IRAG2: variants seen among roughly 807,000 people sequenced by gnomAD.
IRAG2 encodes inositol 1,4,5-triphosphate receptor associated 2, also known as lymphoid restricted membrane protein.
IRAG2 carries 45 observed loss-of-function variants against 69.9 expected under a neutral mutation model. The observed-to-expected ratio is 0.64, with a 90% confidence interval of 0.51 to 0.83. The LOEUF (loss-of-function observed/expected upper bound fraction) is 0.83, where lower values mean the gene tolerates loss of function less well. Ranked by LOEUF, IRAG2 falls within the 40% of genes least tolerant of loss-of-function variation. The pLI, the probability that IRAG2 is intolerant of heterozygous loss-of-function variation, is 0.00. For synonymous variants in IRAG2, 193 were observed against 202.4 expected (o/e 0.95, Z 0.40); for missense variants, 520 against 587.0 (o/e 0.89, Z 1.18).
At chr12:25,047,658 G>C (rs1003825597), upstream of IRAG2, among the ~76,000 whole-genome samples, 5 of 151,998 alleles carry the variant, frequency 3.3e-5, no homozygotes, top group Non-Finnish European at 7.4e-5. Flanking sequence ...TCCCCGCAAT[G>C]TGTCCATGTG....
At position 25,067,910 on chromosome 12, in the gene IRAG2, G is replaced by A. The variant is rs1171591969; in HGVS notation, c.-59+1398G>A. On this transcript the variant is annotated intron_variant, in intron 5 of 21. Transcript: ENST00000556887. Reference sequence around the variant, plus strand: ...GGCTGGAGTGCAGTGGCATGATCTCGGCTCACTGCAACCTCTGCCTCCCGG... The same window carrying A: ...GGCTGGAGTGCAGTGGCATGATCTCAGCTCACTGCAACCTCTGCCTCCCGG... 3.3e-5 allele frequency among the ~76,000 whole-genome samples: 5 copies of A among 151,864 alleles called. No individual in the cohort carries two copies. The East Asian group carries it at 7.7e-4, about 23-fold the overall frequency.
chr12:25,018,529 T>C (rs573452015), intron 6 of IRAG2, among the ~76,000 whole-genome samples: 1 of 152,214 alleles, frequency 6.6e-6, no homozygotes, highest in East Asian at 1.9e-4. Context: ...TAAAGCATTC[T>C]CATCCTCAAA....
At chr12:25,082,608 A>AG (rs1947297116) in intron 9 of IRAG2, among the ~76,000 whole-genome samples, 1 of 79,312 alleles carries the variant, frequency 1.3e-5, no homozygotes, top group African/African-American at 3.6e-5. Flanking sequence ...TCAAAAAAAA[A>AG]ACAAAAAACA....
intron 9 of IRAG2, among the ~76,000 whole-genome samples, chr12:25,029,039 C>G (rs192728909): frequency 6.6e-6 from 1 of 152,174 alleles, no homozygotes; most frequent in Non-Finnish European, 1.5e-5. Context: ...TGCACATGTA[C>G]CCATCTCAAA....
rs1028200826 is a variant in IRAG2, at chr12:25,020,890, G to A, written c.1315G>A (p.Ala439Thr). The change falls in exon 7 of 39, where the codon GCC becomes ACC. Residue 439 changes from alanine to threonine, a missense_variant. By Grantham distance (58) the Ala-to-Thr change is moderately conservative. Coordinates refer to the IRAG2 transcript ENST00000636465. Reference sequence around the variant, plus strand: ...AGAAGAGCAGAAGAGCATGATTGTAGCCCAGAGCAAACAATTAGTAAGTCA... The same window carrying A: ...AGAAGAGCAGAAGAGCATGATTGTAACCCAGAGCAAACAATTAGTAAGTCA... 1.8e-5 allele frequency: 22 copies of A among 1,230,440 alleles called. No homozygotes were observed. In the African/African-American group the frequency reaches 3.3e-4, roughly 18 times the overall value. The allele number at this position is 1,230,440 out of a possible 1,614,324, so 76.2% of individuals were successfully genotyped here.
intron 11 of IRAG2, among the ~76,000 whole-genome samples, chr12:25,088,956 AATCTT>A (rs1285200516): frequency 2.0e-5 from 3 of 152,228 alleles, no homozygotes; most frequent in South Asian, 4.1e-4. Context: ...TTATCTTATC[AATCTT>A]ATCTTAGATG....
rs183061853 is a variant in IRAG2, at chr12:25,085,701, G to C, written c.315+2208G>C. Among the ~76,000 whole-genome samples the C allele has an allele frequency of 1.7e-3, 237 of 140,962 alleles. 1 individual carries two copies. The highest frequency in any genetic ancestry group is 7.4e-3 in the African/African-American group (229 of 30,966). 92.5% of individuals were successfully genotyped at this position (140,962 alleles called of 152,430 possible). Reference sequence around the variant, plus strand: ...GCCTGAGGGTGGAGCCCTCACTGGGGACCCCGCCTTTCTCTATCCAGCACT... The same window carrying C: ...GCCTGAGGGTGGAGCCCTCACTGGGCACCCCGCCTTTCTCTATCCAGCACT... On this transcript the variant is annotated intron_variant, in intron 10 of 21. Transcript: ENST00000556887.
In IRAG2 at chr12:25,052,961, G is replaced by T. The variant is rs916314037; in HGVS notation, c.-447+5G>T. The stretch of plus-strand genomic sequence containing the variant: ...AGAAGACAAGGAAACTGAAGAGTGA[G>T]TAGCAAATATTCATTTATGACCCAG... On this transcript the variant is annotated splice_donor_5th_base_variant and intron_variant, in intron 1 of 21. Coordinates refer to ENST00000556887, the MANE Select transcript of IRAG2 (RefSeq NM_001366544.2). The T allele has an allele frequency of 6.5e-5, 26 of 398,432 alleles. No individual in the cohort carries two copies. Among genetic ancestry groups the T allele is most frequent in the Non-Finnish European group, 4.4e-6 (1 of 226,030 alleles). 24.7% of individuals were successfully genotyped at this position (398,432 alleles called of 1,614,324 possible). A position where few individuals can be genotyped will look rare whatever the true frequency, so the allele number is the denominator to read the frequency against.
At chr12:25,106,807 A>G (rs1592130240) in intron 20 of IRAG2, 136 bp from the exon 21 acceptor site, 2 of 367,180 alleles carry the variant, frequency 5.4e-6, no homozygotes, top group East Asian at 8.4e-5. Context: ...TTAGAGTTAG[A>G]TATTTATCGA....
At chr12:25,015,160 T>TG (rs1565526467) in intron 3 of IRAG2, 2 of 1,119,176 alleles carry the variant, frequency 1.8e-6, no homozygotes, top group Non-Finnish European at 2.2e-6. Context: ...GTTTTGTTTT[T>TG]TTTTTTTTTT....
intron 6 of IRAG2, among the ~76,000 whole-genome samples, chr12:25,020,477 C>T (rs555011855): frequency 5.3e-5 from 8 of 152,054 alleles, no homozygotes; most frequent in African/African-American, 1.7e-4. Flanking sequence ...ACTAACATTA[C>T]ATCTTCTTAG....
chr12:25,025,405 T>C (rs1441422232), intron 8 of IRAG2, among the ~76,000 whole-genome samples: 1 of 152,190 alleles, frequency 6.6e-6, no homozygotes, highest in African/African-American at 2.4e-5. Flanking sequence ...CCAGAGTGTC[T>C]GGAGCAAAGT....
At chr12:25,044,835 A>C (rs1944779484) in intron 16 of IRAG2, among the ~76,000 whole-genome samples, 1 of 152,180 alleles carries the variant, frequency 6.6e-6, no homozygotes, top group South Asian at 2.1e-4. Flanking sequence ...GTAGTATTTC[A>C]TGTTCAATAA....
chr12:25,060,742 C>A lies in IRAG2; in HGVS notation c.-446-850C>A, dbSNP rs182836465. On this transcript the variant is annotated intron_variant, in intron 1 of 21. Coordinates refer to ENST00000556887, the MANE Select transcript of IRAG2 (RefSeq NM_001366544.2). The stretch of plus-strand genomic sequence containing the variant: ...GTGGCATGATCTTGGCTCACTGCAA[C>A]CTTCACCTCCCAGGTTCAAGTGATT... Among the ~76,000 whole-genome samples, 7 of 148,254 alleles carry A rather than the reference C, an allele frequency of 4.7e-5. No homozygotes were observed. The East Asian group carries it at 8.0e-4, about 17-fold the overall frequency.
chr12:25,102,120 T>A, intron 16 of IRAG2, 78 bp from the exon 17 acceptor site: 1 of 1,136,240 alleles, frequency 8.8e-7, no homozygotes, highest in Non-Finnish European at 1.3e-6. Flanking sequence ...TTGCTTTACC[T>A]TTAAAGAATT....
Position 25,061,212 on chromosome 12 carries a change from G to A in IRAG2, c.-446-380G>A, listed in dbSNP as rs143914651. On this transcript the variant is annotated intron_variant, in intron 1 of 21. Coordinates refer to ENST00000556887, the MANE Select transcript of IRAG2 (RefSeq NM_001366544.2). ...TTAAAAGTTTTTGAAGCAATGAAATGAATTAAAGGAGACAAGGTTAAATAT... is the reference window on the plus strand; with the variant it reads ...TTAAAAGTTTTTGAAGCAATGAAATAAATTAAAGGAGACAAGGTTAAATAT... Among the ~76,000 whole-genome samples the A allele has an allele frequency of 2.7e-3, 411 of 152,252 alleles. 1 individual carries two copies. Among genetic ancestry groups the A allele is most frequent in the African/African-American group, 9.3e-3 (388 of 41,562 alleles).
At chr12:25,070,822 C>T (rs1456806522) in intron 6 of IRAG2, among the ~76,000 whole-genome samples, 1 of 152,126 alleles carries the variant, frequency 6.6e-6, no homozygotes, top group Non-Finnish European at 1.5e-5. Context: ...TTATTAAAGC[C>T]ATCTTTGTGG....
exon 16 of IRAG2, chr12:25,037,974 G>A (rs1377675211): frequency 5.0e-6 from 2 of 398,636 alleles, no homozygotes; most frequent in Admixed American, 4.4e-5. Flanking sequence ...TTTCTTGTAG[G>A]AATTCAACAA....
chr12:25,060,673 T>TC (rs1565545456), intron 1 of IRAG2, among the ~76,000 whole-genome samples: 4 of 147,298 alleles, frequency 2.7e-5, no homozygotes, highest in Non-Finnish European at 3.0e-5. Flanking sequence ...ATTTTCTTTT[T>TC]TTTTTTTTTT....
Sources: gnomAD v4.1 joint callset for allele counts (sites outside exome capture counted in the v4.1 genomes callset) on GRCh38, gnomAD v4.1.1 for gene constraint, MANE v1.5 for transcripts, NCBI Gene and HGNC (gene_info 2026-07-23, HGNC 2026-07-21) for gene names.